Variants in DDX19A observed in about 807,000 individuals in gnomAD.
DDX19A encodes ATP-dependent RNA helicase DDX19A.
In DDX19A, 12 loss-of-function variants were observed where a neutral mutation model predicts 60.6. The ratio of observed to expected loss-of-function variants is 0.20; its 90% CI spans 0.13 to 0.32. DDX19A has a LOEUF of 0.32. Among genes scored for constraint, DDX19A ranks in the 10% least tolerant of loss-of-function variants. The probability of loss-of-function intolerance (pLI) is 1.00; values close to 1 mark genes in which losing one functional copy is unlikely to be tolerated. For synonymous variants in DDX19A, 206 were observed against 218.2 expected (o/e 0.94, Z 0.49); for missense variants, 337 against 600.6 (o/e 0.56, Z 4.59).
At chr16:70,370,175 A>C in intron 9 of DDX19A, 48 bp from the exon 10 acceptor site, 2 of 1,581,062 alleles carry the variant, frequency 1.3e-6, no homozygotes, top group Non-Finnish European at 1.7e-6. Flanking sequence ...AAAAAGAAAA[A>C]ATATATACTC....
In DDX19A at chr16:70,366,073, G is replaced by T. The variant is rs528424591; in HGVS notation, c.605-12G>T. 2.5e-6 allele frequency: 4 copies of T among 1,614,158 alleles called. No individual in the cohort carries two copies. In the African/African-American group the frequency reaches 5.3e-5, roughly 22 times the overall value. On this transcript the variant is annotated splice_polypyrimidine_tract_variant and intron_variant, in intron 7 of 11. Coordinates refer to ENST00000302243, the MANE Select transcript of DDX19A (RefSeq NM_018332.5). ...TTTGAAATACCTATGAAAATCACCT[G>T]GGTCTCCACAGTGGAAAGAGGCCAG...
At chr16:70,356,968 G>C (rs888709350) in intron 4 of DDX19A, 3 of 718,134 alleles carry the variant, frequency 4.2e-6, no homozygotes, top group African/African-American at 3.9e-5. Flanking sequence ...AAAAAAAAAG[G>C]CCAGGCACAG....
At chr16:70,364,379 AG>A in intron 5 of DDX19A, 163 bp from the exon 6 acceptor site, 1 of 598,444 alleles carries the variant, frequency 1.7e-6, no homozygotes, top group Non-Finnish European at 3.0e-6. Context: ...GCTTTTTAAC[AG>A]CGTATAAAAA....
At chr16:70,362,624 C>T (rs1213338101) in intron 5 of DDX19A, among the ~76,000 whole-genome samples, 1 of 152,118 alleles carries the variant, frequency 6.6e-6, no homozygotes, top group East Asian at 1.9e-4. Flanking sequence ...GTTTCCCCAT[C>T]TAGAGTGCAG....
In DDX19A at chr16:70,356,106, T is replaced by C. The variant is rs1480094028; in HGVS notation, c.158-6T>C. 3.7e-6 allele frequency: 6 copies of C among 1,613,664 alleles called. No individual in the cohort carries two copies. The highest frequency in any genetic ancestry group is 4.2e-6 in the Non-Finnish European group (5 of 1,180,030). On this transcript the variant is annotated splice_polypyrimidine_tract_variant and splice_region_variant and intron_variant, in intron 3 of 11. Coordinates refer to ENST00000302243, the MANE Select transcript of DDX19A (RefSeq NM_018332.5). ...GTATGAAGATCTACTGGTTTCTTCC[T>C]GACAGAGGACAGAGCTGCCCAGTCC...
chr16:70,367,994 C>CG (rs1442524059), intron 9 of DDX19A, among the ~76,000 whole-genome samples: 1 of 151,940 alleles, frequency 6.6e-6, no homozygotes, highest in African/African-American at 2.4e-5. Flanking sequence ...TGGGCAACGT[C>CG]GGGAGACCCC....
chr16:70,352,253 C>G (rs559070723), intron 2 of DDX19A, among the ~76,000 whole-genome samples: 5 of 151,946 alleles, frequency 3.3e-5, no homozygotes, highest in South Asian at 2.1e-4. Context: ...GGCAAACTTT[C>G]CATATCAATA....
intron 7 of DDX19A, chr16:70,365,345 C>T (rs1418226842): frequency 1.6e-5 from 6 of 381,594 alleles, no homozygotes; most frequent in Non-Finnish European, 2.9e-5. Flanking sequence ...AAAAAAAAAT[C>T]CACGCATGGC....
At chr16:70,354,263 AG>A (rs1408912156) in intron 2 of DDX19A, among the ~76,000 whole-genome samples, 1 of 151,890 alleles carries the variant, frequency 6.6e-6, no homozygotes, top group Non-Finnish European at 1.5e-5. Context: ...CTCCTGCCTC[AG>A]CCTTCCCGAA....
intron 5 of DDX19A, among the ~76,000 whole-genome samples, chr16:70,362,610 T>A (rs940331745): frequency 6.6e-6 from 1 of 152,058 alleles, no homozygotes; most frequent in Non-Finnish European, 1.5e-5. Flanking sequence ...CAGGGTCTCA[T>A]TCTGTTTCCC....
intron 6 of DDX19A, 87 bp downstream of exon 6, chr16:70,364,732 C>T (rs1964466063): frequency 1.0e-6 from 1 of 977,900 alleles, no homozygotes; most frequent in East Asian, 2.4e-5. Context: ...AGGTCTGAAG[C>T]TTCTGACACC....
At chr16:70,368,158 A>G (rs1329206919) in intron 9 of DDX19A, among the ~76,000 whole-genome samples, 1 of 152,216 alleles carries the variant, frequency 6.6e-6, no homozygotes, top group Non-Finnish European at 1.5e-5. Flanking sequence ...CATGGGTCAT[A>G]AAGCAACACT....
chr16:70,354,059 A>G (rs1452280328), intron 2 of DDX19A, among the ~76,000 whole-genome samples: 2 of 151,488 alleles, frequency 1.3e-5, no homozygotes, highest in Non-Finnish European at 2.9e-5. Context: ...AGGTCTTGCT[A>G]TGTTGCCCAG....
chr16:70,361,171 CTCTAA>C (rs1253720244), intron 4 of DDX19A, among the ~76,000 whole-genome samples: 3 of 152,190 alleles, frequency 2.0e-5, no homozygotes, highest in Admixed American at 2.0e-4. Context: ...GCATTAATTT[CTCTAA>C]GAAAAGAAAC....
intron 4 of DDX19A, 106 bp downstream of exon 4, chr16:70,356,353 T>C: frequency 1.3e-6 from 2 of 1,530,532 alleles, no homozygotes; most frequent in Non-Finnish European, 1.8e-6. Flanking sequence ...AAATTTAGTG[T>C]ATTTTTTCCT....
intron 4 of DDX19A, among the ~76,000 whole-genome samples, chr16:70,360,441 C>T (rs1008161858): frequency 6.6e-6 from 1 of 151,706 alleles, no homozygotes; most frequent in African/African-American, 2.4e-5. Flanking sequence ...CTGCCTCAAT[C>T]TCCCAAGTAG....
chr16:70,353,405 C>T (rs1035252235), intron 2 of DDX19A, among the ~76,000 whole-genome samples: 8 of 152,064 alleles, frequency 5.3e-5, no homozygotes, highest in South Asian at 2.1e-4. Context: ...CGAGCCACCA[C>T]GCCTGGCCTT....
At chr16:70,368,929 C>CA (rs1448743267) in intron 9 of DDX19A, among the ~76,000 whole-genome samples, 19 of 150,054 alleles carry the variant, frequency 1.3e-4, no homozygotes, top group Non-Finnish European at 2.2e-4. Context: ...TGCAGTGGTG[C>CA]AATCTCGGTT....
At chr16:70,357,346 G>C (rs1597528763) in intron 4 of DDX19A, among the ~76,000 whole-genome samples, 1 of 93,058 alleles carries the variant, frequency 1.1e-5, no homozygotes, top group South Asian at 3.7e-4. Flanking sequence ...TAAAAAATCT[G>C]TCAAATCTGT....
Sources: gnomAD v4.1 joint callset for allele counts (sites outside exome capture counted in the v4.1 genomes callset) on GRCh38, gnomAD v4.1.1 for gene constraint, MANE v1.5 for transcripts, NCBI Gene and HGNC (gene_info 2026-07-23, HGNC 2026-07-21) for gene names.